Variants in TRPM3 observed in about 807,000 individuals in gnomAD.
TRPM3 encodes the protein long transient receptor potential channel 3.
In TRPM3, 77 loss-of-function variants were observed where a neutral mutation model predicts 181.2. That is an observed-to-expected ratio of 0.42 (90% confidence interval 0.35 to 0.51). The LOEUF (loss-of-function observed/expected upper bound fraction) is 0.51. Ranked by LOEUF, TRPM3 falls within the 20% of genes least tolerant of loss-of-function variation. The pLI, the probability that TRPM3 is intolerant of heterozygous loss-of-function variation, is 0.01. For synonymous variants in TRPM3, 745 were observed against 796.4 expected (o/e 0.94, Z 1.09); for missense variants, 1,759 against 2,196.7 (o/e 0.80, Z 3.98).
At chr9:71,249,797 C>T (rs554880655) in intron 1 of TRPM3, among the ~76,000 whole-genome samples, 1 of 152,078 alleles carries the variant, frequency 6.6e-6, no homozygotes, top group Non-Finnish European at 1.5e-5. Flanking sequence ...GAAAGAACTG[C>T]AGAACAGAAA....
At chr9:71,262,819 G>A (rs2083156264) in intron 1 of TRPM3, among the ~76,000 whole-genome samples, 1 of 152,162 alleles carries the variant, frequency 6.6e-6, no homozygotes. Context: ...GCCCCAGCCT[G>A]CTTCAGCTCA....
chr9:71,295,709 T>G (rs922969187), intron 1 of TRPM3, among the ~76,000 whole-genome samples: 1 of 151,782 alleles, frequency 6.6e-6, no homozygotes, highest in African/African-American at 2.4e-5. Flanking sequence ...CTTGGTAGCA[T>G]GTACTAGTAG....
chr9:71,176,092 G>A (rs1022199176), intron 1 of TRPM3, among the ~76,000 whole-genome samples: 1 of 152,128 alleles, frequency 6.6e-6, no homozygotes, highest in Non-Finnish European at 1.5e-5. Flanking sequence ...AAATGATGAT[G>A]TTACTAGTGT....
intron 1 of TRPM3, among the ~76,000 whole-genome samples, chr9:70,931,786 T>C (rs1166087905): frequency 1.3e-5 from 2 of 152,208 alleles, no homozygotes; most frequent in African/African-American, 4.8e-5. Context: ...TACTTGTGTT[T>C]GGGTGTTTCT....
At chr9:71,227,599 C>T (rs982689374) in intron 1 of TRPM3, among the ~76,000 whole-genome samples, 3 of 150,664 alleles carry the variant, frequency 2.0e-5, no homozygotes, top group Admixed American at 1.3e-4. Context: ...GCCAGATTAA[C>T]CAGGAAAAAG....
At chr9:71,034,805 T>C (rs2057990206) in intron 1 of TRPM3, among the ~76,000 whole-genome samples, 1 of 152,042 alleles carries the variant, frequency 6.6e-6, no homozygotes, top group African/African-American at 2.4e-5. Flanking sequence ...GTTGGGTTGT[T>C]GAATGCTTAT....
chr9:71,289,158 TGA>T (rs369616489), intron 1 of TRPM3, among the ~76,000 whole-genome samples: 6,304 of 145,204 alleles, frequency 0.043, 398 homozygotes, highest in African/African-American at 0.15. Flanking sequence ...AACAAAACAG[TGA>T]GAGAGAGAGA....
chr9:71,209,514 C>T (rs113385817), intron 1 of TRPM3, among the ~76,000 whole-genome samples: 1,545 of 152,210 alleles, frequency 0.01, 26 homozygotes, highest in African/African-American at 0.035. Context: ...TATTGGAGCC[C>T]ATCTTATTTT....
chr9:71,191,804 A>AAACC lies in TRPM3; in HGVS notation c.183+254848_183+254849insGGTT, dbSNP rs10676674. Among the ~76,000 whole-genome samples, 301 of 149,424 alleles carry AAACC rather than the reference A, an allele frequency of 2.0e-3. 1 individual carries two copies. The highest frequency in any genetic ancestry group is 4.0e-3 in the African/African-American group (164 of 40,938). On this transcript the variant is annotated intron_variant, in intron 1 of 24. Transcript: ENST00000357533. The stretch of plus-strand genomic sequence containing the variant: ...CAACAGAACATATAAAAAAAAAAAA[A>AAACC]ATCACATCGTCAAGGATCAGAAAAC...
chr9:70,868,357 T>C (rs1226704096), intron 1 of TRPM3, among the ~76,000 whole-genome samples: 2 of 151,926 alleles, frequency 1.3e-5, no homozygotes, highest in East Asian at 3.9e-4. Context: ...ATGATTACCC[T>C]CAAAGAATAA....
At chr9:70,947,289 C>T (rs2096943903) in intron 1 of TRPM3, among the ~76,000 whole-genome samples, 1 of 152,126 alleles carries the variant, frequency 6.6e-6, no homozygotes, top group Non-Finnish European at 1.5e-5. Flanking sequence ...AAATTGAACA[C>T]CTATTTACTG....
At chr9:70,697,586 C>CT (rs926643610) in intron 8 of TRPM3, among the ~76,000 whole-genome samples, 25 of 151,622 alleles carry the variant, frequency 1.6e-4, no homozygotes, top group Admixed American at 1.3e-3. Context: ...AGACTATTAA[C>CT]TTTTTTTTTA....
intron 1 of TRPM3, among the ~76,000 whole-genome samples, chr9:70,904,496 G>A (rs1302068022): frequency 6.6e-6 from 1 of 152,122 alleles, no homozygotes; most frequent in Admixed American, 6.5e-5. Context: ...AGAGTGCAAA[G>A]AAGGAGGAGG....
chr9:70,747,688 G>T (rs60864427), intron 8 of TRPM3, among the ~76,000 whole-genome samples: 63,059 of 151,320 alleles, frequency 0.42, 13,699 homozygotes, highest in African/African-American at 0.54. Context: ...AGCAAACAAA[G>T]AACAGTATGT....
At chr9:71,010,495 A>T (rs1434781236) in intron 1 of TRPM3, among the ~76,000 whole-genome samples, 1 of 152,176 alleles carries the variant, frequency 6.6e-6, no homozygotes, top group Non-Finnish European at 1.5e-5. Context: ...GACAACAAAT[A>T]GCTAACAGGT....
chr9:71,281,959 G>A (rs897013063), intron 1 of TRPM3, among the ~76,000 whole-genome samples: 3 of 152,104 alleles, frequency 2.0e-5, no homozygotes, highest in Admixed American at 1.3e-4. Flanking sequence ...TACTCGGGAG[G>A]CTGAGGCAGG....
intron 9 of TRPM3, among the ~76,000 whole-genome samples, chr9:70,656,850 T>C (rs528320015): frequency 1.3e-5 from 2 of 152,224 alleles, no homozygotes; most frequent in South Asian, 2.1e-4. Flanking sequence ...ATTCAAAGCT[T>C]ATTTAAAGGT....
chr9:71,213,598 G>A (rs1222535056), intron 1 of TRPM3, among the ~76,000 whole-genome samples: 1 of 151,996 alleles, frequency 6.6e-6, no homozygotes, highest in Non-Finnish European at 1.5e-5. Context: ...TATAGCTTTG[G>A]AATATCATAA....
At position 71,121,320 on chromosome 9, in the gene TRPM3, C is replaced by T; in HGVS notation, c.35G>A (p.Gly12Asp). The T allele has an allele frequency of 6.2e-7, 1 of 1,614,024 alleles. No individual in the cohort carries two copies. Among genetic ancestry groups the T allele is most frequent in the East Asian group, 2.2e-5 (1 of 44,814 alleles). The stretch of plus-strand genomic sequence containing the variant: ...CAAGAAACTGAAAACCTGAGCAATG[C>T]CTAGAAAATAAACGGTCCCCCACGG... ...PEPWGTVYFL[G>D]IAQVFSFLFS... Residue 12 changes from glycine to aspartate, a missense_variant, in exon 1 of 26, where the codon GGC becomes GAC. Coordinates refer to ENST00000677713, the MANE Select transcript of TRPM3 (RefSeq NM_001366145.2).
Sources: gnomAD v4.1 joint callset for allele counts (sites outside exome capture counted in the v4.1 genomes callset) on GRCh38, gnomAD v4.1.1 for gene constraint, MANE v1.5 for transcripts, NCBI Gene and HGNC (gene_info 2026-07-23, HGNC 2026-07-21) for gene names.